The following KIF6 variants were observed in gnomAD, a reference collection of about 807,000 sequenced individuals.
KIF6 encodes the protein kinesin family member 6, also known as kinesin-like protein KIF6.
KIF6 carries 106 observed loss-of-function variants against 112.7 expected under a neutral mutation model. The observed-to-expected ratio is 0.94, with a 90% CI of 0.80 to 1.11. The LOEUF (loss-of-function observed/expected upper bound fraction) is 1.11. Among genes scored for constraint, KIF6 ranks in the 50% least tolerant of loss-of-function variants. The pLI is 0.00. For synonymous variants in KIF6, 339 were observed against 339.9 expected (o/e 1.00, Z 0.03); for missense variants, 929 against 964.0 (o/e 0.96, Z 0.48).
intron 3 of KIF6, among the ~76,000 whole-genome samples, chr6:39,641,410 C>T (rs1784890409): frequency 6.6e-6 from 1 of 151,734 alleles, no homozygotes; most frequent in Non-Finnish European, 1.5e-5. Flanking sequence ...AACTAAACAC[C>T]ACATGTCCTC....
chr6:39,477,878 A>C (rs1774529586), intron 13 of KIF6, among the ~76,000 whole-genome samples: 1 of 152,100 alleles, frequency 6.6e-6, no homozygotes, highest in African/African-American at 2.4e-5. Context: ...TAAATAAATA[A>C]AAATAAAAAA....
In KIF6 at chr6:39,431,036, C is replaced by T; in HGVS notation, c.1754+17G>A. On this transcript the variant is annotated intron_variant, in intron 14 of 22. Transcript: ENST00000287152. ...GCTGAGCCTCGGAGGACCAGCTGCT[C>T]TCTGAGACAGCCTTACCTCTGTTTC... 3 of 1,547,416 alleles carry T rather than the reference C, an allele frequency of 1.9e-6. No homozygotes were observed. The highest frequency in any genetic ancestry group is 1.4e-5 in the African/African-American group (1 of 73,816).
chr6:39,484,590 C>T (rs1775006497), intron 13 of KIF6, among the ~76,000 whole-genome samples: 1 of 152,114 alleles, frequency 6.6e-6, no homozygotes, highest in Non-Finnish European at 1.5e-5. Context: ...CCCTTAAAGA[C>T]TTTGAACTTT....
At chr6:39,447,347 C>T (rs998429333) in intron 13 of KIF6, among the ~76,000 whole-genome samples, 6 of 152,198 alleles carry the variant, frequency 3.9e-5, no homozygotes, top group Non-Finnish European at 2.9e-5. Flanking sequence ...AAAGCCCACC[C>T]CCTTCACCTG....
intron 5 of KIF6, among the ~76,000 whole-genome samples, chr6:39,623,546 C>T (rs1287356554): frequency 6.6e-6 from 1 of 152,112 alleles, no homozygotes; most frequent in Non-Finnish European, 1.5e-5. Flanking sequence ...ATCTATTTAG[C>T]CATTATTTTT....
At chr6:39,685,814 G>C (rs1466033325) in intron 3 of KIF6, among the ~76,000 whole-genome samples, 1 of 152,180 alleles carries the variant, frequency 6.6e-6, no homozygotes, top group Non-Finnish European at 1.5e-5. Flanking sequence ...TGGTTGAATG[G>C]TCATAGCCCC....
chr6:39,473,872 G>C (rs115450689), intron 13 of KIF6, among the ~76,000 whole-genome samples: 1 of 152,058 alleles, frequency 6.6e-6, no homozygotes, highest in Non-Finnish European at 1.5e-5. Flanking sequence ...ACATGAGTAT[G>C]GTAGAAAACT....
intron 19 of KIF6, among the ~76,000 whole-genome samples, chr6:39,351,625 A>T (rs531487862): frequency 2.3e-4 from 35 of 151,622 alleles, no homozygotes; most frequent in South Asian, 6.3e-4. Flanking sequence ...TCTCTCTCTC[A>T]CACACACACA....
At chr6:39,670,285 A>G (rs1582411667) in intron 3 of KIF6, among the ~76,000 whole-genome samples, 1 of 152,338 alleles carries the variant, frequency 6.6e-6, no homozygotes, top group East Asian at 1.9e-4. Flanking sequence ...GTTTTCACAA[A>G]GTTCAGTTAA....
At chr6:39,446,755 G>C (rs1772354561) in intron 13 of KIF6, among the ~76,000 whole-genome samples, 1 of 152,134 alleles carries the variant, frequency 6.6e-6, no homozygotes, top group South Asian at 2.1e-4. Context: ...CTCCCAAATT[G>C]CTGGGACTAC....
intron 22 of KIF6, among the ~76,000 whole-genome samples, chr6:39,340,368 C>T (rs1763260365): frequency 6.6e-6 from 1 of 152,154 alleles, no homozygotes; most frequent in African/African-American, 2.4e-5. Context: ...AATGCTGGTT[C>T]CTGTTCCTGA....
At chr6:39,472,007 C>G (rs965748951) in intron 13 of KIF6, among the ~76,000 whole-genome samples, 4 of 152,206 alleles carry the variant, frequency 2.6e-5, no homozygotes, top group Non-Finnish European at 5.9e-5. Flanking sequence ...CGTCCTCATG[C>G]AAGAAGCAGC....
intron 13 of KIF6, among the ~76,000 whole-genome samples, chr6:39,529,847 ATTC>A (rs1289939512): frequency 6.6e-6 from 1 of 152,206 alleles, no homozygotes; most frequent in African/African-American, 2.4e-5. Flanking sequence ...TGTTCACATT[ATTC>A]TTTAAGACTG....
intron 5 of KIF6, among the ~76,000 whole-genome samples, chr6:39,633,994 G>A (rs973564724): frequency 1.3e-5 from 2 of 152,060 alleles, no homozygotes; most frequent in Admixed American, 6.6e-5. Flanking sequence ...CTATTTCTTC[G>A]AATATATTCA....
At chr6:39,676,581 TAATG>T (rs1413624852) in intron 3 of KIF6, among the ~76,000 whole-genome samples, 1 of 152,024 alleles carries the variant, frequency 6.6e-6, no homozygotes, top group Non-Finnish European at 1.5e-5. Context: ...CAGTAATTAC[TAATG>T]AGTCATATAA....
At chr6:39,484,593 T>C (rs1255860561) in intron 13 of KIF6, among the ~76,000 whole-genome samples, 1 of 152,204 alleles carries the variant, frequency 6.6e-6, no homozygotes, top group East Asian at 1.9e-4. Flanking sequence ...TTAAAGACTT[T>C]GAACTTTATT....
intron 15 of KIF6, among the ~76,000 whole-genome samples, chr6:39,400,030 G>C (rs1768571733): frequency 6.6e-6 from 1 of 152,222 alleles, no homozygotes; most frequent in East Asian, 1.9e-4. Flanking sequence ...GTGCTTGGAG[G>C]CAGTGCTTGA....
intron 13 of KIF6, among the ~76,000 whole-genome samples, chr6:39,434,925 T>C (rs1318817591): frequency 6.6e-6 from 1 of 152,210 alleles, no homozygotes; most frequent in Non-Finnish European, 1.5e-5. Context: ...GATTAAAAAA[T>C]GAATTTCTTA....
rs1562102990 is a variant in KIF6 at position 39,337,231 on chromosome 6, CTTT to C, written c.2429-686_2429-684del. ...TCTTTCTTTCTTTCTTTCTTTCTTT[CTTT>C]CTTTTTCTTTCTTTTCTTTCCCTCC... On this transcript the variant is annotated intron_variant, in intron 22 of 22. Coordinates refer to ENST00000287152, the MANE Select transcript of KIF6 (RefSeq NM_145027.6). Among the ~76,000 whole-genome samples the C allele has an allele frequency of 4.1e-4, 39 of 95,776 alleles. 1 individual carries two copies. The highest frequency in any genetic ancestry group is 2.1e-3 in the African/African-American group (33 of 15,440). The allele number at this position is 95,776 out of a possible 152,430, so 62.8% of individuals were successfully genotyped here.
Sources: gnomAD v4.1 joint callset for allele counts (sites outside exome capture counted in the v4.1 genomes callset) on GRCh38, gnomAD v4.1.1 for gene constraint, MANE v1.5 for transcripts, NCBI Gene and HGNC (gene_info 2026-07-23, HGNC 2026-07-21) for gene names.